The following CDH13 variants were observed in gnomAD, a reference collection of about 807,000 sequenced individuals.
The protein encoded by CDH13 is cadherin 13, also known as cadherin-13.
A neutral mutation model predicts 63.8 loss-of-function variants in CDH13; 24 were observed. The observed-to-expected ratio is 0.38, with a 90% CI of 0.27 to 0.53. The LOEUF is 0.53. Ranked by LOEUF, CDH13 falls within the 20% of genes least tolerant of loss-of-function variation. The probability of loss-of-function intolerance (pLI) is 0.85; values close to 1 mark genes in which losing one functional copy is unlikely to be tolerated. For missense variants in CDH13, 1,049 were observed against 903.1 expected (o/e 1.16, Z -2.07); for synonymous variants, 503 against 355.3 (o/e 1.42, Z -4.67).
At chr16:83,758,876 G>T (rs1423838) in intron 11 of CDH13, among the ~76,000 whole-genome samples, 88,067 of 151,992 alleles carry the variant, frequency 0.58, 27,428 homozygotes, top group Non-Finnish European at 0.69. Flanking sequence ...GATAATTTTT[G>T]TCTCCCTATT....
In CDH13 at chr16:82,980,053, G is replaced by T. The variant is rs150191445; in HGVS notation, c.158-51957G>T. Among the ~76,000 whole-genome samples the T allele has an allele frequency of 2.3e-4, 35 of 152,274 alleles. 1 individual carries two copies. The highest frequency in any genetic ancestry group is 1.0e-3 in the Admixed American group (16 of 15,300). On this transcript the variant is annotated intron_variant, in intron 2 of 13. Coordinates refer to ENST00000567109, the MANE Select transcript of CDH13 (RefSeq NM_001257.5). ...TAGTTGAAGTACAGGGAAACCACAA[G>T]GGATGGCACCACCCCCAGGGGCTAG...
chr16:82,882,790 T>G (rs1030069163), intron 2 of CDH13, among the ~76,000 whole-genome samples: 2 of 152,202 alleles, frequency 1.3e-5, no homozygotes, highest in Non-Finnish European at 2.9e-5. Context: ...GTAAGATTTT[T>G]ACCAAGCCAT....
At chr16:83,617,874 C>A (rs933891833) in intron 8 of CDH13, among the ~76,000 whole-genome samples, 17 of 152,024 alleles carry the variant, frequency 1.1e-4, no homozygotes, top group South Asian at 2.1e-4. Context: ...ATATTCTGTT[C>A]TAATAATATA....
intron 4 of CDH13, among the ~76,000 whole-genome samples, chr16:83,187,066 G>C (rs928283315): frequency 2.6e-5 from 4 of 152,096 alleles, no homozygotes; most frequent in Non-Finnish European, 5.9e-5. Flanking sequence ...CACCTCCCGA[G>C]TTCAAGTGAT....
intron 4 of CDH13, among the ~76,000 whole-genome samples, chr16:83,193,027 G>A (rs1039320681): frequency 1.3e-5 from 2 of 152,034 alleles, no homozygotes; most frequent in Admixed American, 6.6e-5. Context: ...CATGGGTGAC[G>A]GTAGAATCTG....
At chr16:83,440,789 A>G (rs941838575) in intron 6 of CDH13, among the ~76,000 whole-genome samples, 1 of 150,570 alleles carries the variant, frequency 6.6e-6, no homozygotes, top group Admixed American at 6.7e-5. Context: ...CATCTCAAAA[A>G]AAAAAAAAAA....
intron 6 of CDH13, among the ~76,000 whole-genome samples, chr16:83,417,830 A>T (rs1458127954): frequency 6.6e-6 from 1 of 152,144 alleles, no homozygotes; most frequent in Middle Eastern, 3.2e-3. Context: ...GGAAACTGGG[A>T]TGTCAGTTTC....
At chr16:83,708,093 A>G (rs1449604954) in intron 10 of CDH13, among the ~76,000 whole-genome samples, 1 of 152,138 alleles carries the variant, frequency 6.6e-6, no homozygotes, top group Non-Finnish European at 1.5e-5. Context: ...GCTGATGGGA[A>G]GAACAGGCAA....
intron 7 of CDH13, among the ~76,000 whole-genome samples, chr16:83,551,606 C>T (rs776299415): frequency 2.0e-5 from 3 of 152,198 alleles, no homozygotes; most frequent in Non-Finnish European, 2.9e-5. Context: ...CATGTATTCA[C>T]TCAGGCTGGA....
chr16:83,495,064 C>G, intron 7 of CDH13, among the ~76,000 whole-genome samples: 1 of 152,066 alleles, frequency 6.6e-6, no homozygotes, highest in East Asian at 1.9e-4. Flanking sequence ...TTATTATCAA[C>G]AGAAAGAGTC....
chr16:83,291,115 C>T (rs1321546375), intron 5 of CDH13, among the ~76,000 whole-genome samples: 1 of 152,166 alleles, frequency 6.6e-6, no homozygotes, highest in African/African-American at 2.4e-5. Context: ...AAGCTACCAA[C>T]CTGATCTCAT....
intron 1 of CDH13, among the ~76,000 whole-genome samples, chr16:82,698,800 G>C (rs935032467): frequency 6.6e-6 from 1 of 152,172 alleles, no homozygotes; most frequent in Non-Finnish European, 1.5e-5. Context: ...GTTTTTCTCT[G>C]TTTAAGAAGG....
At chr16:83,566,658 G>A (rs1904283763) in intron 7 of CDH13, among the ~76,000 whole-genome samples, 1 of 152,092 alleles carries the variant, frequency 6.6e-6, no homozygotes, top group Non-Finnish European at 1.5e-5. Context: ...GCATCAGATG[G>A]GAGGTTCTGG....
At chr16:82,758,380 G>C (rs1429165347) in intron 1 of CDH13, among the ~76,000 whole-genome samples, 2 of 152,110 alleles carry the variant, frequency 1.3e-5, no homozygotes, top group African/African-American at 4.8e-5. Flanking sequence ...CCTAACTTTA[G>C]TGATTGGGTT....
chr16:82,655,467 A>G (rs558613612), intron 1 of CDH13, among the ~76,000 whole-genome samples: 5 of 152,286 alleles, frequency 3.3e-5, no homozygotes, highest in East Asian at 1.9e-4. Flanking sequence ...GCAAAGTCCT[A>G]AAGCAGGAAA....
intron 3 of CDH13, among the ~76,000 whole-genome samples, chr16:83,070,055 C>T (rs536903693): frequency 6.6e-6 from 1 of 152,044 alleles, no homozygotes; most frequent in African/African-American, 2.4e-5. Context: ...CTTGATGCTT[C>T]TCTAGATAGA....
chr16:83,596,910 T>C (rs1907315730), intron 7 of CDH13, among the ~76,000 whole-genome samples: 1 of 152,188 alleles, frequency 6.6e-6, no homozygotes, highest in Non-Finnish European at 1.5e-5. Flanking sequence ...AAACTTTTTA[T>C]ATTAGAATTG....
At chr16:83,341,428 A>G (rs913187048) in intron 5 of CDH13, among the ~76,000 whole-genome samples, 3 of 152,216 alleles carry the variant, frequency 2.0e-5, no homozygotes, top group Non-Finnish European at 4.4e-5. Context: ...TTGTTACGGT[A>G]TGTGATTGGG....
chr16:83,206,876 G>A (rs938882175), intron 4 of CDH13, among the ~76,000 whole-genome samples: 6 of 141,310 alleles, frequency 4.2e-5, no homozygotes, highest in Non-Finnish European at 9.2e-5. Flanking sequence ...ATTCACAAAA[G>A]GGCCTTGACC....
Sources: gnomAD v4.1 joint callset for allele counts (sites outside exome capture counted in the v4.1 genomes callset) on GRCh38, gnomAD v4.1.1 for gene constraint, MANE v1.5 for transcripts, NCBI Gene and HGNC (gene_info 2026-07-23, HGNC 2026-07-21) for gene names.